Variants in CNKSR2 observed in about 807,000 individuals in gnomAD.
The protein encoded by CNKSR2 is connector enhancer of kinase suppressor of Ras 2, also known as CNK homolog protein 2.
CNKSR2 carries 14 observed loss-of-function variants against 84.4 expected under a neutral mutation model. The ratio of observed to expected loss-of-function variants is 0.17; its 90% CI spans 0.11 to 0.26. The LOEUF is 0.26. Ranked by LOEUF, CNKSR2 falls within the 10% of genes least tolerant of loss-of-function variation. The pLI, the probability that CNKSR2 is intolerant of heterozygous loss-of-function variation, is 1.00. For missense variants in CNKSR2, 485 were observed against 771.2 expected (o/e 0.63, Z 4.40); for synonymous variants, 275 against 277.9 (o/e 0.99, Z 0.10).
chrX:21,466,164 G>T (rs749114942), intron 4 of CNKSR2, among the ~76,000 whole-genome samples: 2 of 111,950 alleles, frequency 1.8e-5, no homozygotes, highest in African/African-American at 6.5e-5. Flanking sequence ...GTAGTATATA[G>T]TATCGTGACT....
chrX:21,386,576 A>T (rs765432846), intron 1 of CNKSR2, among the ~76,000 whole-genome samples: 2 of 112,340 alleles, frequency 1.8e-5, no homozygotes, highest in South Asian at 3.7e-4. Context: ...TTTTAAAAAT[A>T]TGTATTCTAG....
chrX:21,426,400 T>C, intron 1 of CNKSR2, 97 bp from the exon 2 acceptor site: 1 of 805,575 alleles, frequency 1.2e-6, no homozygotes. Flanking sequence ...ACTTAATTTG[T>C]GACATGGTAG....
rs1293132762 is a variant in CNKSR2, at chrX:21,592,551, G to A, written c.1830+1357G>A. 3 of 111,646 alleles carry A rather than the reference G, an allele frequency of 2.7e-5. No homozygotes were observed. In the Admixed American group the frequency reaches 2.8e-4, roughly 11 times the overall value. The allele number at this position is 111,646 out of a possible 1,213,427, so 9.2% of individuals were successfully genotyped here. A position where few individuals can be genotyped will look rare whatever the true frequency, so the allele number is the denominator to read the frequency against. On this transcript the variant is annotated intron_variant, in intron 15 of 21. Coordinates refer to ENST00000379510, the MANE Select transcript of CNKSR2 (RefSeq NM_014927.5). ...AGCCATGATTGCACCACTGCACTCA[G>A]AGCAAGACCCTGTCTGAAAAAAATG... is the stretch of plus-strand genomic sequence containing the variant.
intron 13 of CNKSR2, among the ~76,000 whole-genome samples, chrX:21,586,382 C>A (rs2147241031): frequency 9.0e-6 from 1 of 111,489 alleles, no homozygotes; most frequent in Admixed American, 9.5e-5. Context: ...GAACCATGGG[C>A]CATGCCTCTC....
intron 13 of CNKSR2, among the ~76,000 whole-genome samples, chrX:21,582,451 T>C (rs1009630772): frequency 8.9e-5 from 10 of 111,917 alleles, no homozygotes; most frequent in African/African-American, 3.2e-4. Flanking sequence ...TCTCTCTCTT[T>C]AATTGTTACT....
intron 5 of CNKSR2, among the ~76,000 whole-genome samples, chrX:21,483,286 A>C (rs1429557291): frequency 9.0e-6 from 1 of 110,983 alleles, no homozygotes; most frequent in Non-Finnish European, 1.9e-5. Flanking sequence ...TGAAGCTGGA[A>C]ACCATCATTC....
chrX:21,580,567 C>G lies in CNKSR2; in HGVS notation c.1609-10005C>G, dbSNP rs188658013. Among the ~76,000 whole-genome samples, 7 of 111,577 alleles carry G rather than the reference C, an allele frequency of 6.3e-5. No individual in the cohort carries two copies. In the East Asian group the frequency reaches 2.0e-3, roughly 31 times the overall value. On this transcript the variant is annotated intron_variant, in intron 13 of 21. Coordinates refer to ENST00000379510, the MANE Select transcript of CNKSR2 (RefSeq NM_014927.5). ...AGTAATCAGAAAAAAACTTTGATTT[C>G]AGATTCTTTTACAAATAAAACCATT... is the stretch of plus-strand genomic sequence containing the variant.
chrX:21,377,126 G>C (rs1238260376), intron 1 of CNKSR2, among the ~76,000 whole-genome samples: 1 of 112,061 alleles, frequency 8.9e-6, no homozygotes, highest in Middle Eastern at 4.2e-3. Flanking sequence ...GGGTAGCCAA[G>C]ATAGTTTGTG....
chrX:21,375,009 CCAG>C, intron 1 of CNKSR2, 48 bp downstream of exon 1: 2 of 1,075,016 alleles, frequency 1.9e-6, no homozygotes, highest in Non-Finnish European at 2.6e-6. Flanking sequence ...GCGCGGGGCA[CCAG>C]TGCGAGGTTA....
Position 21,654,285 on chromosome X carries a change from A to AAC in CNKSR2, c.*1765_*1766insCA, listed in dbSNP as rs2092727574. On this transcript the variant is annotated 3_prime_UTR_variant, in exon 22 of 22. Transcript: ENST00000379510. The stretch of plus-strand genomic sequence containing the variant: ...ATTTTGTATATGTAAAAAAAAAAAA[A>AAC]AAAAAAAAACAAAAAACCTCTTGTC... 1 of 107,144 alleles carries AAC rather than the reference A, an allele frequency of 9.3e-6. No homozygotes were observed. Among genetic ancestry groups the AAC allele is most frequent in the African/African-American group, 3.4e-5 (1 of 29,716 alleles). The allele number at this position is 107,144 out of a possible 1,213,427, so 8.8% of individuals were successfully genotyped here.
chrX:21,606,237 T>C (rs1263718589), intron 18 of CNKSR2, among the ~76,000 whole-genome samples: 1 of 111,823 alleles, frequency 8.9e-6, no homozygotes, highest in Non-Finnish European at 1.9e-5. Context: ...GGTGGGAGTA[T>C]GGTGTTATAG....
intron 13 of CNKSR2, among the ~76,000 whole-genome samples, chrX:21,567,276 G>A (rs751690481): frequency 8.9e-6 from 1 of 111,933 alleles, no homozygotes; most frequent in South Asian, 3.7e-4. Context: ...TACATGGTAG[G>A]ACAGGTATGC....
intron 1 of CNKSR2, among the ~76,000 whole-genome samples, chrX:21,415,831 T>C (rs1601759371): frequency 1.9e-5 from 1 of 52,388 alleles, no homozygotes; most frequent in African/African-American, 8.2e-5. Flanking sequence ...TATATACATA[T>C]ATACACACAC....
chrX:21,642,168 T>G (rs2092693839), intron 20 of CNKSR2: 1 of 743,664 alleles, frequency 1.3e-6, no homozygotes, highest in Non-Finnish European at 1.6e-6. Flanking sequence ...ATACACAATT[T>G]GCTTTGAAAC....
rs1451690769 is a variant in CNKSR2, at chrX:21,460,524, G to T, written c.520-10242G>T. Reference sequence around the variant, plus strand: ...GAAAATGAGGTATGCATCCCCTCAAGAATTTATCTTTCATGCTATAATCCA... The same window carrying T: ...GAAAATGAGGTATGCATCCCCTCAATAATTTATCTTTCATGCTATAATCCA... On this transcript the variant is annotated intron_variant, in intron 4 of 21. Coordinates refer to ENST00000379510, the MANE Select transcript of CNKSR2 (RefSeq NM_014927.5). Among the ~76,000 whole-genome samples, 3 of 111,664 alleles carry T rather than the reference G, an allele frequency of 2.7e-5. No homozygotes were observed. In the South Asian group the frequency reaches 1.1e-3, roughly 42 times the overall value.
At chrX:21,492,215 C>G (rs1018576609) in intron 6 of CNKSR2, 16 of 111,238 alleles carry the variant, frequency 1.4e-4, no homozygotes, top group Non-Finnish European at 2.5e-4. Context: ...AATTAATGGG[C>G]TTTATGAAAT....
intron 8 of CNKSR2, among the ~76,000 whole-genome samples, chrX:21,509,162 G>A (rs2091644689): frequency 8.9e-6 from 1 of 111,771 alleles, no homozygotes; most frequent in African/African-American, 3.2e-5. Context: ...AAGATATTAA[G>A]TATTAAAAAA....
intron 1 of CNKSR2, among the ~76,000 whole-genome samples, chrX:21,403,042 A>G (rs886195681): frequency 6.3e-5 from 7 of 111,392 alleles, no homozygotes; most frequent in African/African-American, 2.3e-4. Flanking sequence ...CAGCTTACAC[A>G]AGAATAGCCT....
chrX:21,543,195 G>A (rs1022283964), intron 11 of CNKSR2, among the ~76,000 whole-genome samples: 2 of 112,128 alleles, frequency 1.8e-5, no homozygotes, highest in Admixed American at 1.9e-4. Flanking sequence ...TCCTTATCAG[G>A]TAAAAGTTCA....
Sources: allele counts gnomAD v4.1 joint callset (sites outside exome capture counted in the v4.1 genomes callset), GRCh38; gene constraint gnomAD v4.1.1; transcripts MANE v1.5; gene names NCBI Gene and HGNC (gene_info 2026-07-23, HGNC 2026-07-21).